The following CLPTM1 variants were observed in gnomAD, a reference collection of about 807,000 sequenced individuals.
CLPTM1 encodes the protein CLPTM1 regulator of GABA type A receptor forward trafficking, also known as putative lipid scramblase CLPTM1.
A neutral mutation model predicts 77.3 loss-of-function variants in CLPTM1; 21 were observed. That is an observed-to-expected ratio of 0.27 (90% confidence interval 0.19 to 0.39). CLPTM1 has a LOEUF of 0.39. Among genes scored for constraint, CLPTM1 ranks in the 10% least tolerant of loss-of-function variants. CLPTM1 has a pLI of 1.00. For missense variants in CLPTM1, 642 were observed against 921.2 expected, an observed-to-expected ratio of 0.70 and a Z score of 3.92; for synonymous variants, 373 against 381.0, an observed-to-expected ratio of 0.98 and a Z score of 0.24.
At chr19:44,969,690 T>C (rs1468949745) in intron 2 of CLPTM1, among the ~76,000 whole-genome samples, 1 of 133,638 alleles carries the variant, frequency 7.5e-6, no homozygotes, top group East Asian at 2.1e-4. Flanking sequence ...AAGGACACTT[T>C]TTTTTTTTTT....
In CLPTM1 at chr19:44,956,766, A is replaced by G. The variant is rs565271558; in HGVS notation, c.72+1299A>G. Among the ~76,000 whole-genome samples the G allele has an allele frequency of 2.6e-3, 399 of 152,280 alleles. 5 individuals are homozygous for G. Among genetic ancestry groups the G allele is most frequent in the Non-Finnish European group, 4.0e-4 (27 of 68,014 alleles). On this transcript the variant is annotated intron_variant, in intron 1 of 13. Transcript: ENST00000337392. The stretch of plus-strand genomic sequence containing the variant: ...TGTTCTCATTGCCCTGAGCTTCCAG[A>G]TGGCACTCTGATCTTCTCTTGTACC...
chr19:44,983,531 T>C (rs1970929874), intron 5 of CLPTM1, among the ~76,000 whole-genome samples: 1 of 123,790 alleles, frequency 8.1e-6, no homozygotes, highest in African/African-American at 3.1e-5. Flanking sequence ...GGTGGGAGAA[T>C]AGCTGGAACC....
chr19:44,971,555 T>G lies in CLPTM1; in HGVS notation c.186-1532T>G, dbSNP rs559394849. On this transcript the variant is annotated intron_variant, in intron 2 of 13. Transcript: ENST00000337392. ...TTTTCCTTTTCTTTTTTAAAAAATT[T>G]AATTAATTAATTGATTAATTTTTTT... Among the ~76,000 whole-genome samples the G allele has an allele frequency of 2.0e-3, 312 of 152,252 alleles. 1 individual carries two copies. The highest frequency in any genetic ancestry group is 7.4e-3 in the African/African-American group (306 of 41,564).
Position 44,990,416 on chromosome 19 carries a change from G to T in CLPTM1, c.1154G>T (p.Arg385Leu), listed in dbSNP as rs1191545366. ...ACAGATATCCAGTTCTGGAACAGCCGGCAGTCCCTGGAGGGCCTGTCCGTG... is the reference window on the plus strand; with the variant it reads ...ACAGATATCCAGTTCTGGAACAGCCTGCAGTCCCTGGAGGGCCTGTCCGTG... ...FKNDIQFWNS[R>L]QSLEGLSVRS... Residue 385 changes from arginine to leucine, a missense_variant, in exon 10 of 14, where the codon CGG becomes CTG. Around this residue, in one of 2 missense-constraint regions of CLPTM1, gnomAD observed 521 missense variants for 800.4 expected, o/e 0.65. Transcript: ENST00000337392. The surrounding 1 kb of genome is among the most constrained non-coding windows in gnomAD (Gnocchi z 4.8). The T allele has an allele frequency of 6.2e-7, 1 of 1,613,982 alleles. No individual in the cohort carries two copies. The highest frequency in any genetic ancestry group is 2.2e-5 in the East Asian group (1 of 44,872).
Position 44,977,410 on chromosome 19 carries a change from C to A in CLPTM1, c.536C>A (p.Pro179His). The change falls in exon 5 of 14, where the codon CCC becomes CAC. Residue 179 changes from proline to histidine, a missense_variant. By Grantham distance (77) the Pro-to-His change is moderately conservative. Around this residue, in one of 2 missense-constraint regions of CLPTM1, gnomAD observed 521 missense variants for 800.4 expected, o/e 0.65. Transcript: ENST00000337392. Reference sequence around the variant, plus strand: ...ACCAAGAGTGGCTTCCACCCAGACCCCCGGCAGAAGGCCCTGTACCGCCGG... The same window carrying A: ...ACCAAGAGTGGCTTCCACCCAGACCACCGGCAGAAGGCCCTGTACCGCCGG... ...YFTKSGFHPDPRQKALYRRLA... is the reference protein window; with the variant it reads ...YFTKSGFHPDHRQKALYRRLA... The A allele has an allele frequency of 6.2e-7, 1 of 1,609,944 alleles. No individual in the cohort carries two copies. Among genetic ancestry groups the A allele is most frequent in the Non-Finnish European group, 8.5e-7 (1 of 1,179,990 alleles).
At chr19:44,956,269 G>A (rs1970462637) in intron 1 of CLPTM1, among the ~76,000 whole-genome samples, 1 of 152,162 alleles carries the variant, frequency 6.6e-6, no homozygotes, top group African/African-American at 2.4e-5. Flanking sequence ...GGAGAATGAA[G>A]CTGACTCTCT....
At chr19:44,974,092 GCTT>G (rs1392407434) in intron 3 of CLPTM1, among the ~76,000 whole-genome samples, 8 of 152,060 alleles carry the variant, frequency 5.3e-5, no homozygotes, top group African/African-American at 1.9e-4. Flanking sequence ...GCTCTGGACT[GCTT>G]CGTCCATAAG....
intron 2 of CLPTM1, among the ~76,000 whole-genome samples, chr19:44,963,493 T>G (rs1470240619): frequency 6.6e-6 from 1 of 151,024 alleles, no homozygotes; most frequent in Non-Finnish European, 1.5e-5. Flanking sequence ...ACCTGGCTAA[T>G]TTTTTGTATT....
At position 44,973,173 on chromosome 19, in the gene CLPTM1, T is replaced by C; in HGVS notation, c.272T>C (p.Val91Ala). ...GCGGGCCCCGGAGGAGCTCCACGCG[T>C]CGCCAGCCGCAACCTGTTCCCCAAA... is the stretch of plus-strand genomic sequence containing the variant. ...DQAGPGGAPR[V>A]ASRNLFPKDT... is the part of the protein sequence containing the mutation. Residue 91 changes from valine (V) to alanine (A), a missense_variant, in exon 3 of 14, where the codon GTC becomes GCC. Val to Ala is a moderately conservative substitution (Grantham distance 64). Coordinates refer to ENST00000337392, the MANE Select transcript of CLPTM1 (RefSeq NM_001294.4). 1.2e-6 allele frequency: 2 copies of C among 1,613,912 alleles called. No homozygotes were observed. The highest frequency in any genetic ancestry group is 1.7e-6 in the Non-Finnish European group (2 of 1,179,912).
At chr19:44,975,824 A>G (rs892536332) in intron 4 of CLPTM1, among the ~76,000 whole-genome samples, 2 of 152,300 alleles carry the variant, frequency 1.3e-5, no homozygotes, top group South Asian at 4.1e-4. Flanking sequence ...TTGGTCTCCC[A>G]AAGTGCTGGG....
rs1970697554 is a variant in CLPTM1 at position 44,970,285 on chromosome 19, G to A, written c.186-2802G>A. 2.7e-5 allele frequency among the ~76,000 whole-genome samples: 4 copies of A among 147,012 alleles called. 1 individual carries two copies. In the South Asian group the frequency reaches 8.6e-4, roughly 32 times the overall value. On this transcript the variant is annotated intron_variant, in intron 2 of 13. Transcript: ENST00000337392. ...CCTGTTGTGCAACTCCTGGGAATGG[G>A]TAGGCCACCTGGTTCCTTCCTTCTC... is the stretch of plus-strand genomic sequence containing the variant.
At chr19:44,978,294 A>G (rs1028885856) in intron 5 of CLPTM1, among the ~76,000 whole-genome samples, 1 of 150,708 alleles carries the variant, frequency 6.6e-6, no homozygotes, top group Non-Finnish European at 1.5e-5. Context: ...AGTCCCAGCT[A>G]CTTGGGAGGC....
At chr19:44,986,670 G>A in intron 7 of CLPTM1, 95 bp downstream of exon 7, 1 of 1,475,388 alleles carries the variant, frequency 6.8e-7, no homozygotes, top group Non-Finnish European at 9.1e-7. Flanking sequence ...CCCCCTGAGA[G>A]AGCTTTCCAG....
In CLPTM1 at chr19:44,992,843, C is replaced by T. The variant is rs763030004; in HGVS notation, c.1956C>T (p.Ala652=). 6 of 1,613,670 alleles carry T rather than the reference C, an allele frequency of 3.7e-6. No individual in the cohort carries two copies. The highest frequency in any genetic ancestry group is 5.1e-6 in the Non-Finnish European group (6 of 1,179,884). ...PTKPTQGASS[A]SEPQEAPPKP... ...AGCCCACCCAGGGGGCCAGCTCTGC[C>T]AGCGAGCCCCAGGAAGCCCCTCCAA... The change falls in exon 14 of 14, where the codon GCC becomes GCT. Residue 652 remains alanine, a synonymous_variant. Coordinates refer to ENST00000337392, the MANE Select transcript of CLPTM1 (RefSeq NM_001294.4). The surrounding 1 kb of genome is among the most constrained non-coding windows in gnomAD (Gnocchi z 7.7).
chr19:44,987,848 G>A (rs567861117), intron 8 of CLPTM1: 6 of 589,236 alleles, frequency 1.0e-5, no homozygotes, highest in Admixed American at 3.0e-5. Flanking sequence ...CCCACTCCCC[G>A]CAGCACTCCC....
chr19:44,966,819 A>G (rs1426244955), intron 2 of CLPTM1, among the ~76,000 whole-genome samples: 1 of 150,888 alleles, frequency 6.6e-6, no homozygotes, highest in Non-Finnish European at 1.5e-5. Flanking sequence ...TGAGCAACAC[A>G]GTAAGACCCC....
At chr19:44,989,492 T>C (rs1474967607) in intron 9 of CLPTM1, among the ~76,000 whole-genome samples, 1 of 151,702 alleles carries the variant, frequency 6.6e-6, no homozygotes, top group Non-Finnish European at 1.5e-5. Context: ...TTCTTCTCAG[T>C]TGGGACAGGG....
rs747269591 is a variant in CLPTM1 at position 44,987,318 on chromosome 19, G to A, written c.933G>A (p.Ser311=). ...TCCGCGTCTCCTTCTGCCCACTCTC[G>A]CTTTGGCGCTGGCAGCTCTATGCTG... The part of the protein sequence containing the change: ...LPLRVSFCPL[S]LWRWQLYAAQ... The change falls in exon 8 of 14, where the codon TCG becomes TCA. Residue 311 remains serine, a synonymous_variant. Transcript: ENST00000337392. The A allele has an allele frequency of 6.8e-6, 11 of 1,614,242 alleles. No homozygotes were observed. Among genetic ancestry groups the A allele is most frequent in the African/African-American group, 2.7e-5 (2 of 75,064 alleles).
In CLPTM1 at chr19:44,957,191, C is replaced by T. The variant is rs564077333; in HGVS notation, c.72+1724C>T. ...TAAACCTCTTTTATTGCCTCTCAGT[C>T]TCTTTCCTCATAGTCTATGCACAGG... On this transcript the variant is annotated intron_variant, in intron 1 of 13. Transcript: ENST00000337392. Among the ~76,000 whole-genome samples, 74 of 152,376 alleles carry T rather than the reference C, an allele frequency of 4.9e-4. 2 individuals are homozygous for T. Among genetic ancestry groups the T allele is most frequent in the Middle Eastern group, 3.4e-3 (1 of 294 alleles).
Sources: allele counts gnomAD v4.1 joint callset (sites outside exome capture counted in the v4.1 genomes callset), GRCh38; gene constraint gnomAD v4.1.1; regional missense constraint gnomAD v4.1.1; non-coding constraint Gnocchi (gnomAD v3.1); transcripts MANE v1.5; gene names NCBI Gene and HGNC (gene_info 2026-07-23, HGNC 2026-07-21).